FBXO16: variants seen among roughly 807,000 people sequenced by gnomAD.
FBXO16 encodes the protein F-box protein 16.
Under a neutral mutation model 41.0 loss-of-function variants are expected in FBXO16, and 31 were observed. That is an observed-to-expected ratio of 0.76 (90% confidence interval 0.57 to 1.02). FBXO16 has a LOEUF of 1.02. FBXO16 is among the 50% of genes least tolerant of loss of function. The pLI is 0.00. For synonymous variants in FBXO16, 133 were observed against 117.8 expected (o/e 1.13, Z -0.84); for missense variants, 361 against 346.2 (o/e 1.04, Z -0.34).
chr8:28,454,919 G>C (rs1217821515), intron 5 of FBXO16, among the ~76,000 whole-genome samples: 1 of 151,618 alleles, frequency 6.6e-6, no homozygotes, highest in African/African-American at 2.4e-5. Context: ...TTTGTTAAAT[G>C]CTTTTGTTTG....
chr8:28,459,230 T>C (rs763065415), intron 4 of FBXO16, among the ~76,000 whole-genome samples: 20 of 152,222 alleles, frequency 1.3e-4, no homozygotes, highest in Admixed American at 7.2e-4. Flanking sequence ...CAAAAGAAAA[T>C]TGGGAAACTC....
intron 3 of FBXO16, among the ~76,000 whole-genome samples, chr8:28,466,664 A>G (rs990766097): frequency 6.6e-6 from 1 of 151,166 alleles, no homozygotes; most frequent in Non-Finnish European, 1.5e-5. Context: ...GCATGGTGGC[A>G]GGCGCCTGTA....
At chr8:28,444,462 C>G (rs1802829351) in intron 7 of FBXO16, among the ~76,000 whole-genome samples, 1 of 150,102 alleles carries the variant, frequency 6.7e-6, no homozygotes. Context: ...GCCAACATGC[C>G]CGGCTAATTT....
intron 1 of FBXO16, among the ~76,000 whole-genome samples, chr8:28,488,441 G>A: frequency 6.6e-6 from 1 of 150,542 alleles, no homozygotes. Flanking sequence ...GAATATAGGT[G>A]TGCACCACCA....
chr8:28,444,397 G>A (rs1483884561), intron 7 of FBXO16, among the ~76,000 whole-genome samples: 3 of 150,310 alleles, frequency 2.0e-5, no homozygotes, highest in African/African-American at 7.4e-5. Flanking sequence ...CCGCCTCCAG[G>A]GTTCAAGCAA....
In FBXO16 at chr8:28,441,910, A is replaced by ATATG. The variant is rs1325591171; in HGVS notation, c.843+5260_843+5261insCATA. Among the ~76,000 whole-genome samples the ATATG allele has an allele frequency of 8.3e-5, 9 of 107,894 alleles. No individual in the cohort carries two copies. The East Asian group carries it at 9.3e-4, about 11-fold the overall frequency. 70.8% of individuals were successfully genotyped at this position (107,894 alleles called of 152,430 possible). ...TATAAACTCCACAGTGTATATATAT[A>ATATG]TGTGTGTGTGTGTGTGTGTGTGTGT... On this transcript the variant is annotated intron_variant, in intron 7 of 8. Coordinates refer to ENST00000380254, the MANE Select transcript of FBXO16 (RefSeq NM_172366.4).
chr8:28,441,116 C>G (rs6981853), intron 7 of FBXO16, among the ~76,000 whole-genome samples: 9 of 152,078 alleles, frequency 5.9e-5, no homozygotes, highest in Non-Finnish European at 1.2e-4. Flanking sequence ...ATCCCAGTAA[C>G]GGCAAACAGG....
At chr8:28,433,956 A>ATT (rs773888558) in intron 7 of FBXO16, among the ~76,000 whole-genome samples, 2,998 of 118,194 alleles carry the variant, frequency 0.025, 157 homozygotes, top group East Asian at 0.19. Context: ...TCACTCCCTG[A>ATT]TTTTTTTTTT....
At chr8:28,435,814 T>C (rs759897052) in intron 7 of FBXO16, among the ~76,000 whole-genome samples, 4 of 152,180 alleles carry the variant, frequency 2.6e-5, no homozygotes, top group Non-Finnish European at 5.9e-5. Flanking sequence ...ATTTGACTTG[T>C]AGCGTGGCTT....
intron 7 of FBXO16, among the ~76,000 whole-genome samples, chr8:28,436,041 T>G (rs1020126347): frequency 6.6e-6 from 1 of 152,072 alleles, no homozygotes; most frequent in African/African-American, 2.4e-5. Flanking sequence ...GCCTAAAGCA[T>G]AGGTTGGGGG....
intron 6 of FBXO16, among the ~76,000 whole-genome samples, chr8:28,449,692 G>A (rs1217533798): frequency 1.3e-5 from 2 of 151,912 alleles, no homozygotes; most frequent in Non-Finnish European, 2.9e-5. Flanking sequence ...GGGTGATACG[G>A]GTCAGGTGCG....
intron 7 of FBXO16, among the ~76,000 whole-genome samples, chr8:28,442,046 C>T (rs535618989): frequency 1.3e-4 from 19 of 148,370 alleles, no homozygotes; most frequent in African/African-American, 4.2e-4. Flanking sequence ...CGGGTTAAAG[C>T]GATTCTCCTG....
intron 2 of FBXO16, among the ~76,000 whole-genome samples, chr8:28,480,440 A>G (rs1031652784): frequency 6.6e-6 from 1 of 152,152 alleles, no homozygotes; most frequent in African/African-American, 2.4e-5. Context: ...AGAGTCAATG[A>G]AACAGGTACC....
intron 3 of FBXO16, among the ~76,000 whole-genome samples, chr8:28,470,319 G>A (rs1322451608): frequency 6.6e-6 from 1 of 152,128 alleles, no homozygotes; most frequent in East Asian, 1.9e-4. Flanking sequence ...GATGAATATG[G>A]CATTTTCTAT....
chr8:28,435,877 C>G (rs1802680406), intron 7 of FBXO16, among the ~76,000 whole-genome samples: 1 of 152,040 alleles, frequency 6.6e-6, no homozygotes, highest in Non-Finnish European at 1.5e-5. Flanking sequence ...AGGGACCCAC[C>G]CCTATCTGTC....
At chr8:28,454,368 A>T (rs1213919371) in intron 5 of FBXO16, among the ~76,000 whole-genome samples, 1 of 151,808 alleles carries the variant, frequency 6.6e-6, no homozygotes, top group African/African-American at 2.4e-5. Context: ...AATAAATAAC[A>T]TATGATAATA....
chr8:28,459,896 G>A lies in FBXO16; in HGVS notation c.343-2966C>T, dbSNP rs992760440. Among the ~76,000 whole-genome samples the A allele has an allele frequency of 2.7e-5, 4 of 150,442 alleles. No individual in the cohort carries two copies. The East Asian group carries it at 6.0e-4, about 23-fold the overall frequency. ...ACAAAAATTAGCCAGACATGGTGGCGCATGCTGTAATCTCAGCTACTCGAG... is the reference window on the plus strand; with the variant it reads ...ACAAAAATTAGCCAGACATGGTGGCACATGCTGTAATCTCAGCTACTCGAG... On this transcript the variant is annotated intron_variant, in intron 4 of 8. Transcript: ENST00000380254.
At chr8:28,463,969 GC>G in intron 3 of FBXO16, 151 bp from the exon 4 acceptor site, 1 of 759,016 alleles carries the variant, frequency 1.3e-6, no homozygotes, top group Non-Finnish European at 2.1e-6. Flanking sequence ...TCCATGCTTT[GC>G]CACCTATCTT....
intron 7 of FBXO16, among the ~76,000 whole-genome samples, chr8:28,445,251 A>AC (rs1286993977): frequency 6.6e-6 from 1 of 152,170 alleles, no homozygotes; most frequent in African/African-American, 2.4e-5. Flanking sequence ...TGCTTAATGT[A>AC]CCCTGGTTTC....
Sources: allele counts gnomAD v4.1 joint callset (sites outside exome capture counted in the v4.1 genomes callset), GRCh38; gene constraint gnomAD v4.1.1; transcripts MANE v1.5; gene names NCBI Gene and HGNC (gene_info 2026-07-23, HGNC 2026-07-21).